The following ANKS1B variants were observed in gnomAD, a reference collection of about 807,000 sequenced individuals.
The protein encoded by ANKS1B is ankyrin repeat and sterile alpha motif domain-containing protein 1B.
In ANKS1B, 36 loss-of-function variants were observed where a neutral mutation model predicts 148.3. That is an observed-to-expected ratio of 0.24 (90% CI 0.19 to 0.32). The LOEUF (loss-of-function observed/expected upper bound fraction) is 0.32, where lower values mean the gene tolerates loss of function less well. ANKS1B is among the 10% of genes least tolerant of loss of function. The pLI is 1.00. For synonymous variants in ANKS1B, 542 were observed against 560.8 expected, an observed-to-expected ratio of 0.97 and a Z score of 0.47; for missense variants, 1,157 against 1,542.6, an observed-to-expected ratio of 0.75 and a Z score of 4.19.
intron 12 of ANKS1B, among the ~76,000 whole-genome samples, chr12:99,315,186 G>A (rs1326186337): frequency 6.6e-6 from 1 of 151,166 alleles, no homozygotes; most frequent in African/African-American, 2.4e-5. Context: ...GTTGCAGTGA[G>A]CCGAGATTGT....
chr12:98,846,378 T>C (rs1466545382), intron 17 of ANKS1B, among the ~76,000 whole-genome samples: 1 of 152,244 alleles, frequency 6.6e-6, no homozygotes, highest in African/African-American at 2.4e-5. Flanking sequence ...AAACTCTTTG[T>C]AATTTTCTCT....
At chr12:99,671,999 ATTTT>A (rs1285181533) in intron 8 of ANKS1B, among the ~76,000 whole-genome samples, 3 of 152,100 alleles carry the variant, frequency 2.0e-5, no homozygotes, top group Non-Finnish European at 2.9e-5. Flanking sequence ...TTGAGATAAA[ATTTT>A]TTAAGTGGAA....
At chr12:99,749,444 T>C (rs1413127342) in intron 8 of ANKS1B, among the ~76,000 whole-genome samples, 1 of 152,064 alleles carries the variant, frequency 6.6e-6, no homozygotes, top group East Asian at 1.9e-4. Context: ...CCAGATTACA[T>C]TGTTTGAGTA....
intron 9 of ANKS1B, among the ~76,000 whole-genome samples, chr12:99,595,651 C>T (rs1248973199): frequency 1.3e-5 from 2 of 151,796 alleles, no homozygotes; most frequent in South Asian, 2.1e-4. Context: ...TTTATGATCT[C>T]GCACATTAAC....
intron 17 of ANKS1B, among the ~76,000 whole-genome samples, chr12:98,916,687 T>C (rs1033168450): frequency 2.0e-5 from 3 of 152,048 alleles, no homozygotes; most frequent in Admixed American, 6.5e-5. Context: ...CAATGCAGAG[T>C]GGTTGAACAT....
At chr12:99,217,676 T>C (rs546228097) in intron 14 of ANKS1B, among the ~76,000 whole-genome samples, 1 of 152,226 alleles carries the variant, frequency 6.6e-6, no homozygotes, top group African/African-American at 2.4e-5. Context: ...CCAGAAAATA[T>C]AACTGATCCC....
chr12:99,086,170 G>A (rs765033838), intron 15 of ANKS1B, among the ~76,000 whole-genome samples: 3 of 152,154 alleles, frequency 2.0e-5, no homozygotes, highest in Non-Finnish European at 4.4e-5. Context: ...TGCTGAGACT[G>A]TGCTATGATG....
chr12:99,536,574 G>A (rs1596537707), intron 9 of ANKS1B, among the ~76,000 whole-genome samples: 1 of 152,028 alleles, frequency 6.6e-6, no homozygotes, highest in Admixed American at 6.5e-5. Flanking sequence ...TAGAAAAGTT[G>A]TTGCTATTAG....
chr12:98,836,275 A>G (rs2099362436), intron 17 of ANKS1B, among the ~76,000 whole-genome samples: 1 of 152,218 alleles, frequency 6.6e-6, no homozygotes, highest in Non-Finnish European at 1.5e-5. Flanking sequence ...CATTAAAATA[A>G]TTCACTTTTT....
chr12:99,975,869 A>C (rs2153837904), intron 1 of ANKS1B, among the ~76,000 whole-genome samples: 1 of 152,344 alleles, frequency 6.6e-6, no homozygotes, highest in African/African-American at 2.4e-5. Context: ...AAAAGAAAAT[A>C]AATCATTCTA....
chr12:99,423,283 G>A (rs1229259178), intron 11 of ANKS1B, among the ~76,000 whole-genome samples: 3 of 152,100 alleles, frequency 2.0e-5, no homozygotes, highest in Non-Finnish European at 2.9e-5. Context: ...ACCACAATGA[G>A]ATATCACCTC....
intron 2 of ANKS1B, among the ~76,000 whole-genome samples, chr12:99,812,550 CACACACACAGAGAGAG>C (rs747791110): frequency 2.7e-4 from 26 of 95,760 alleles, no homozygotes; most frequent in African/African-American, 5.9e-4. Context: ...CACACACACA[CACACACACAGAGAGAG>C]AGAGAGAGAG....
intron 12 of ANKS1B, among the ~76,000 whole-genome samples, chr12:99,392,981 CA>C (rs1161041273): frequency 3.3e-5 from 5 of 152,128 alleles, no homozygotes; most frequent in Admixed American, 1.3e-4. Context: ...TTCCAAAGGT[CA>C]AAACACCAAA....
At chr12:99,038,192 G>A (rs528481221) in intron 17 of ANKS1B, among the ~76,000 whole-genome samples, 2 of 152,032 alleles carry the variant, frequency 1.3e-5, no homozygotes, top group South Asian at 2.1e-4. Context: ...ATTGCTTCTG[G>A]AGATTTCTAG....
intron 17 of ANKS1B, chr12:98,895,141 C>T (rs2099762185): frequency 5.1e-6 from 5 of 985,042 alleles, no homozygotes; most frequent in African/African-American, 3.5e-5. Context: ...ACCGCTCGGG[C>T]GGACCCTCAC....
At chr12:99,345,193 G>C (rs1007656870) in intron 12 of ANKS1B, among the ~76,000 whole-genome samples, 1 of 152,032 alleles carries the variant, frequency 6.6e-6, no homozygotes, top group African/African-American at 2.4e-5. Context: ...GTTGGGGTGT[G>C]GTCAAATTGT....
chr12:98,959,969 AAGGCACC>A (rs1265138871), intron 17 of ANKS1B, among the ~76,000 whole-genome samples: 1 of 152,168 alleles, frequency 6.6e-6, no homozygotes, highest in Non-Finnish European at 1.5e-5. Flanking sequence ...ACAATCGAGT[AAGGCACC>A]AGGTATATTC....
intron 9 of ANKS1B, among the ~76,000 whole-genome samples, chr12:99,646,933 G>A (rs1429921623): frequency 6.7e-6 from 1 of 150,096 alleles, no homozygotes; most frequent in Admixed American, 6.6e-5. Context: ...CTCAAAAATT[G>A]CATCAACAGT....
chr12:99,869,563 C>T (rs1211431487), intron 1 of ANKS1B, among the ~76,000 whole-genome samples: 1 of 151,760 alleles, frequency 6.6e-6, no homozygotes, highest in Non-Finnish European at 1.5e-5. Context: ...TGCCTATAAT[C>T]CCAGCTACTC....
Sources: gnomAD v4.1 joint callset for allele counts (sites outside exome capture counted in the v4.1 genomes callset) on GRCh38, gnomAD v4.1.1 for gene constraint, MANE v1.5 for transcripts, NCBI Gene and HGNC (gene_info 2026-07-23, HGNC 2026-07-21) for gene names.